PAX3: variants seen among roughly 807,000 people sequenced by gnomAD.
PAX3 encodes paired box 3.
A neutral mutation model predicts 51.6 loss-of-function variants in PAX3; 14 were observed. The observed-to-expected ratio is 0.27, with a 90% CI of 0.18 to 0.42. The LOEUF is 0.42. Ranked by LOEUF, PAX3 falls within the 10% of genes least tolerant of loss-of-function variation. The pLI is 1.00. For synonymous variants in PAX3, 280 were observed against 253.4 expected, an observed-to-expected ratio of 1.11 and a Z score of -1.00; for missense variants, 540 against 642.8, an observed-to-expected ratio of 0.84 and a Z score of 1.73.
chr2:222,205,067 C>T (rs9653356), intron 7 of PAX3, among the ~76,000 whole-genome samples: 4,142 of 152,268 alleles, frequency 0.027, 163 homozygotes, highest in African/African-American at 0.089. Context: ...AGAGAAGAAA[C>T]ATGTCCTTCC....
intron 4 of PAX3, chr2:222,293,527 C>A (rs1004312594): frequency 3.4e-6 from 4 of 1,167,844 alleles, no homozygotes; most frequent in Non-Finnish European, 3.7e-6. Context: ...TCTAAGAACC[C>A]AGATCCCTTC....
intron 4 of PAX3, among the ~76,000 whole-genome samples, chr2:222,237,816 T>G (rs1344048249): frequency 3.3e-5 from 5 of 152,204 alleles, no homozygotes; most frequent in Non-Finnish European, 7.4e-5. Context: ...TTTGGTATTT[T>G]GTATTACAAT....
At chr2:222,244,594 A>C (rs1326422000) in intron 4 of PAX3, among the ~76,000 whole-genome samples, 1 of 152,108 alleles carries the variant, frequency 6.6e-6, no homozygotes, top group Non-Finnish European at 1.5e-5. Flanking sequence ...CTACATCCTA[A>C]GACTGAGAGA....
intron 4 of PAX3, among the ~76,000 whole-genome samples, chr2:222,285,590 G>T (rs889541078): frequency 1.3e-5 from 2 of 152,188 alleles, no homozygotes; most frequent in East Asian, 3.8e-4. Context: ...GTATGTGACC[G>T]TATCAGCATT....
intron 7 of PAX3, among the ~76,000 whole-genome samples, chr2:222,202,421 G>A (rs1005331609): frequency 1.3e-5 from 2 of 151,896 alleles, no homozygotes; most frequent in South Asian, 2.1e-4. Context: ...GAAGAGGGGA[G>A]AAGAGGGGGA....
intron 6 of PAX3, 112 bp from the exon 7 acceptor site, chr2:222,220,466 A>C: frequency 2.0e-6 from 2 of 996,352 alleles, no homozygotes; most frequent in Non-Finnish European, 3.2e-6. Context: ...TGATCAAATC[A>C]AATGTTCACT....
intron 4 of PAX3, among the ~76,000 whole-genome samples, chr2:222,288,473 A>G (rs560872821): frequency 5.0e-4 from 76 of 152,394 alleles, no homozygotes; most frequent in African/African-American, 1.8e-3. Context: ...AAACACGTGT[A>G]GAGAGATGTA....
chr2:222,203,205 C>A (rs1691375978), intron 7 of PAX3, among the ~76,000 whole-genome samples: 1 of 150,252 alleles, frequency 6.7e-6, no homozygotes, highest in Non-Finnish European at 1.5e-5. Flanking sequence ...AGTGCTTCAC[C>A]AACTCAAGAT....
chr2:222,261,133 A>T (rs917302392), intron 4 of PAX3, among the ~76,000 whole-genome samples: 1 of 152,216 alleles, frequency 6.6e-6, no homozygotes, highest in African/African-American at 2.4e-5. Flanking sequence ...TGCAGACTTT[A>T]TCTAACCCAA....
At chr2:222,228,032 T>G (rs1333897810) in intron 5 of PAX3, among the ~76,000 whole-genome samples, 2 of 152,210 alleles carry the variant, frequency 1.3e-5, no homozygotes, top group Non-Finnish European at 2.9e-5. Context: ...TAACTCACAC[T>G]TTCTGGCTAT....
intron 4 of PAX3, among the ~76,000 whole-genome samples, chr2:222,279,592 G>A (rs1053898734): frequency 6.6e-6 from 1 of 152,184 alleles, no homozygotes; most frequent in African/African-American, 2.4e-5. Context: ...ATTGTAGTCT[G>A]AGTGACAGTT....
chr2:222,221,741 A>G (rs1692202151), intron 5 of PAX3: 2 of 311,240 alleles, frequency 6.4e-6, no homozygotes, highest in African/African-American at 4.3e-5. Flanking sequence ...GGGAGGATAC[A>G]TGAGCCTCTG....
chr2:222,298,409 G>T, intron 1 of PAX3, 122 bp downstream of exon 1: 1 of 762,264 alleles, frequency 1.3e-6, no homozygotes, highest in Non-Finnish European at 2.3e-6. Flanking sequence ...TTCTTGGGGT[G>T]TGGGGTGCCC....
intron 6 of PAX3, 39 bp downstream of exon 6, chr2:222,221,183 G>C: frequency 2.5e-6 from 4 of 1,598,270 alleles, no homozygotes; most frequent in Non-Finnish European, 3.4e-6. Context: ...GAAATCGCCT[G>C]GAAGTTACTT....
intron 7 of PAX3, among the ~76,000 whole-genome samples, chr2:222,213,732 T>C (rs887585337): frequency 6.6e-6 from 1 of 152,144 alleles, no homozygotes; most frequent in Non-Finnish European, 1.5e-5. Flanking sequence ...GGGAAATAGG[T>C]TGGTGTCAGG....
At chr2:222,278,839 C>T (rs913702710) in intron 4 of PAX3, among the ~76,000 whole-genome samples, 20 of 152,250 alleles carry the variant, frequency 1.3e-4, no homozygotes, top group Non-Finnish European at 2.6e-4. Flanking sequence ...GGATTCATTC[C>T]TTCATGGTAA....
At chr2:222,207,153 G>GT (rs957167778) in intron 7 of PAX3, among the ~76,000 whole-genome samples, 3 of 152,032 alleles carry the variant, frequency 2.0e-5, no homozygotes, top group African/African-American at 7.2e-5. Flanking sequence ...TTATCCAAAT[G>GT]TTTTTTGCCA....
intron 7 of PAX3, among the ~76,000 whole-genome samples, chr2:222,204,118 A>G (rs548552396): frequency 3.3e-5 from 5 of 152,162 alleles, no homozygotes; most frequent in Non-Finnish European, 5.9e-5. Context: ...AACACACAAA[A>G]CATCATTTGT....
intron 7 of PAX3, among the ~76,000 whole-genome samples, chr2:222,203,413 T>C (rs1691384525): frequency 6.6e-6 from 1 of 152,064 alleles, no homozygotes; most frequent in African/African-American, 2.4e-5. Context: ...AGTATTTAAA[T>C]GCAGTATCCA....
Sources: gnomAD v4.1 joint callset for allele counts (sites outside exome capture counted in the v4.1 genomes callset) on GRCh38, gnomAD v4.1.1 for gene constraint, MANE v1.5 for transcripts, NCBI Gene and HGNC (gene_info 2026-07-23, HGNC 2026-07-21) for gene names.